The following OSGEPL1 variants were observed in gnomAD, a reference collection of about 807,000 sequenced individuals.
OSGEPL1 encodes O-sialoglycoprotein endopeptidase like 1.
OSGEPL1 carries 26 observed loss-of-function variants against 37.2 expected under a neutral mutation model. That is an observed-to-expected ratio of 0.70 (90% CI 0.51 to 0.97). The LOEUF (loss-of-function observed/expected upper bound fraction) is 0.97, where lower values mean the gene tolerates loss of function less well. OSGEPL1 is among the 50% of genes least tolerant of loss of function. The pLI, the probability that OSGEPL1 is intolerant of heterozygous loss-of-function variation, is 0.00. For missense variants in OSGEPL1, 404 were observed against 487.0 expected, an observed-to-expected ratio of 0.83 and a Z score of 1.60; for synonymous variants, 140 against 159.9, an observed-to-expected ratio of 0.88 and a Z score of 0.94.
intron 2 of OSGEPL1, among the ~76,000 whole-genome samples, chr2:189,759,066 G>C (rs2046545655): frequency 6.6e-6 from 1 of 152,114 alleles, no homozygotes; most frequent in Admixed American, 6.5e-5. Flanking sequence ...TGTAGGTCTA[G>C]ACATCATGTC....
intron 2 of OSGEPL1, among the ~76,000 whole-genome samples, chr2:189,760,110 G>A (rs551974622): frequency 1.8e-3 from 279 of 152,298 alleles, no homozygotes; most frequent in African/African-American, 6.3e-3. Flanking sequence ...CAAGGCAGAA[G>A]GATTTTTCTT....
At chr2:189,748,724 A>C (rs771285297) in intron 8 of OSGEPL1, among the ~76,000 whole-genome samples, 9 of 152,210 alleles carry the variant, frequency 5.9e-5, no homozygotes, top group Non-Finnish European at 8.8e-5. Flanking sequence ...AATTTATAAC[A>C]ATGGAAATAT....
chr2:189,748,984 C>T (rs1362680572), intron 8 of OSGEPL1, among the ~76,000 whole-genome samples: 3 of 152,064 alleles, frequency 2.0e-5, no homozygotes, highest in Non-Finnish European at 4.4e-5. Context: ...TGATGGCTCA[C>T]ACCTGTAATC....
At chr2:189,761,779 A>G in intron 1 of OSGEPL1, 119 bp from the exon 2 acceptor site, 1 of 990,716 alleles carries the variant, frequency 1.0e-6, no homozygotes, top group Non-Finnish European at 1.4e-6. Context: ...AAGTTTGTAA[A>G]GGCTATAGCA....
At position 189,749,086 on chromosome 2, in the gene OSGEPL1, A is replaced by G. The variant is rs546062411; in HGVS notation, c.*28+1464T>C. ...ATGGTGAAACCCCATCTCTACTAAA[A>G]ATACAAAAAATGAGCTGGGCATGGT... On this transcript the variant is annotated intron_variant, in intron 8 of 8. Transcript: ENST00000264151. Among the ~76,000 whole-genome samples the G allele has an allele frequency of 1.7e-3, 253 of 151,996 alleles. 2 individuals are homozygous for G. The highest frequency in any genetic ancestry group is 2.8e-3 in the Non-Finnish European group (192 of 67,958).
chr2:189,750,543 A>G lies in OSGEPL1; in HGVS notation c.*28+7T>C. On this transcript the variant is annotated splice_region_variant and intron_variant, in intron 8 of 8. Coordinates refer to ENST00000264151, the MANE Select transcript of OSGEPL1 (RefSeq NM_022353.3). ...CAATAAAAACTTAATTTTAACCTTAATACTACCTTTAGGGACTTTTTTGAA... is the reference window on the plus strand; with the variant it reads ...CAATAAAAACTTAATTTTAACCTTAGTACTACCTTTAGGGACTTTTTTGAA... The G allele has an allele frequency of 8.7e-7, 1 of 1,149,498 alleles. No individual in the cohort carries two copies. The highest frequency in any genetic ancestry group is 1.3e-6 in the Non-Finnish European group (1 of 784,090). The allele number at this position is 1,149,498 out of a possible 1,614,324, so 71.2% of individuals were successfully genotyped here. A position where few individuals can be genotyped will look rare whatever the true frequency, so the allele number is the denominator to read the frequency against.
chr2:189,762,517 T>C, intron 1 of OSGEPL1, 168 bp downstream of exon 1: 1 of 854,958 alleles, frequency 1.2e-6, no homozygotes, highest in Non-Finnish European at 1.4e-6. Context: ...CAAGGAGGAT[T>C]GTACGAAGCA....
intron 8 of OSGEPL1, among the ~76,000 whole-genome samples, chr2:189,750,030 G>A (rs539898749): frequency 1.3e-4 from 20 of 152,270 alleles, no homozygotes; most frequent in African/African-American, 4.8e-4. Context: ...GGCTGAAGCA[G>A]GAGAATCGCT....
upstream of OSGEPL1, chr2:189,762,860 T>G (rs917615439): frequency 1.0e-6 from 1 of 985,268 alleles, no homozygotes; most frequent in Non-Finnish European, 1.2e-6. Context: ...GCATGCTTAG[T>G]GAAGAAAAGC....
chr2:189,747,254 G>T (rs2254270), intron 8 of OSGEPL1, 86 bp from the exon 9 acceptor site: 147,882 of 150,678 alleles, frequency 0.98, 72,628 homozygotes, highest in South Asian at 1. Flanking sequence ...CAGGAGGATT[G>T]CTTGAGTTCA....
chr2:189,761,014 A>T (rs1006671043), intron 2 of OSGEPL1: 1 of 127,032 alleles, frequency 7.9e-6, no homozygotes, highest in Admixed American at 8.0e-5. Context: ...CTATGCTTTA[A>T]TACAACAGTG....
In OSGEPL1 at chr2:189,754,264, G is replaced by A; in HGVS notation, c.691C>T (p.Gln231Ter). 6.2e-7 allele frequency: 1 copy of A among 1,613,758 alleles called. No individual in the cohort carries two copies. Among genetic ancestry groups the A allele is most frequent in the East Asian group, 2.2e-5 (1 of 44,866 alleles). The change falls in exon 4 of 9, where the codon CAA becomes TAA. Residue 231 changes from glutamine to a stop codon, truncating the protein, a stop_gained. Coordinates refer to ENST00000264151, the MANE Select transcript of OSGEPL1 (RefSeq NM_022353.3). LOFTEE classifies it high-confidence loss of function. ...GGKAIEHLAK[Q>*]GNRFHFDIKP... ...ATGTCAAAATGAAATCTATTTCCTT[G>A]TTTGGCCAAATGTTCTATGGCTTTC... is the stretch of plus-strand genomic sequence containing the variant.
intron 2 of OSGEPL1, among the ~76,000 whole-genome samples, chr2:189,757,816 T>A (rs2046312684): frequency 6.6e-6 from 1 of 152,194 alleles, no homozygotes; most frequent in Non-Finnish European, 1.5e-5. Context: ...GCCAGGTGGA[T>A]GGTATCACTG....
intron 2 of OSGEPL1, among the ~76,000 whole-genome samples, chr2:189,759,744 CTTATTTAT>C (rs144508956): frequency 6.6e-6 from 1 of 151,240 alleles, no homozygotes; most frequent in African/African-American, 2.4e-5. Flanking sequence ...GTATTTTATT[CTTATTTAT>C]TTATTTATTT....
chr2:189,755,535 C>T lies in OSGEPL1; in HGVS notation c.247G>A (p.Ala83Thr). Residue 83 changes from alanine (A) to threonine (T), a missense_variant, in exon 3 of 9, where the codon GCT (alanine) becomes ACT (threonine). By Grantham distance (58) the Ala-to-Thr change is moderately conservative. Coordinates refer to ENST00000264151, the MANE Select transcript of OSGEPL1 (RefSeq NM_022353.3). ...LKTGGIVPPA[A>T]QQLHRENIQR... ...ATATTTTCTCTGTGAAGCTGTTGAGCTGCTGGAGGAACAATCCCACCTGTT... is the reference window on the plus strand; with the variant it reads ...ATATTTTCTCTGTGAAGCTGTTGAGTTGCTGGAGGAACAATCCCACCTGTT... The T allele has an allele frequency of 6.2e-7, 1 of 1,600,218 alleles. No homozygotes were observed. The highest frequency in any genetic ancestry group is 8.5e-7 in the Non-Finnish European group (1 of 1,176,482).
intron 8 of OSGEPL1, among the ~76,000 whole-genome samples, chr2:189,747,865 T>C (rs2044395453): frequency 6.6e-6 from 1 of 152,180 alleles, no homozygotes; most frequent in Non-Finnish European, 1.5e-5. Context: ...TTTGTATTTT[T>C]AGTAGAGATG....
chr2:189,750,060 T>C (rs1266871530), intron 8 of OSGEPL1, among the ~76,000 whole-genome samples: 1 of 152,012 alleles, frequency 6.6e-6, no homozygotes, highest in African/African-American at 2.4e-5. Flanking sequence ...AAGGTAGAGG[T>C]TGCATGCAGT....
intron 2 of OSGEPL1, among the ~76,000 whole-genome samples, chr2:189,756,851 GC>G (rs2046165076): frequency 6.6e-6 from 1 of 152,132 alleles, no homozygotes; most frequent in South Asian, 2.1e-4. Context: ...ATACTCTAAA[GC>G]ACATGCTACC....
chr2:189,754,437 C>A, intron 3 of OSGEPL1, 92 bp from the exon 4 acceptor site: 2 of 1,173,412 alleles, frequency 1.7e-6, no homozygotes, highest in South Asian at 1.6e-5. Context: ...ACTAACAAAA[C>A]AAAAAACCCC....
Sources: gnomAD v4.1 joint callset for allele counts (sites outside exome capture counted in the v4.1 genomes callset) on GRCh38, gnomAD v4.1.1 for gene constraint, MANE v1.5 for transcripts, NCBI Gene and HGNC (gene_info 2026-07-23, HGNC 2026-07-21) for gene names.